PDIA6: variants seen among roughly 807,000 people sequenced by gnomAD.
The protein encoded by PDIA6 is protein disulfide isomerase family A member 6.
PDIA6 carries 29 observed loss-of-function variants against 58.4 expected under a neutral mutation model. That is an observed-to-expected ratio of 0.50 (90% CI 0.37 to 0.68). PDIA6 has a LOEUF of 0.68. PDIA6 is among the 30% of genes least tolerant of loss of function. The probability of loss-of-function intolerance (pLI) is 0.00; values close to 1 mark genes in which losing one functional copy is unlikely to be tolerated. For synonymous variants in PDIA6, 192 were observed against 202.6 expected (o/e 0.95, Z 0.44); for missense variants, 480 against 551.0 (o/e 0.87, Z 1.29).
rs1665575049 is a variant in PDIA6 at position 10,784,137 on chromosome 2, C to A, written c.*121G>T. 1.7e-6 allele frequency: 1 copy of A among 593,274 alleles called. No individual in the cohort carries two copies. Among genetic ancestry groups the A allele is most frequent in the Non-Finnish European group, 2.9e-6 (1 of 346,146 alleles). 36.8% of individuals were successfully genotyped at this position (593,274 alleles called of 1,614,324 possible). A position where few individuals can be genotyped will look rare whatever the true frequency, so the allele number is the denominator to read the frequency against. On this transcript the variant is annotated 3_prime_UTR_variant, in exon 13 of 13. Transcript: ENST00000272227. ...GTGTTTTCAAATGACCAATCAAGTA[C>A]TACTTCTTGGTTAAAAGGCCACTGG...
intron 2 of PDIA6, among the ~76,000 whole-genome samples, chr2:10,798,364 T>C (rs1315995267): frequency 6.6e-6 from 1 of 151,546 alleles, no homozygotes; most frequent in Non-Finnish European, 1.5e-5. Flanking sequence ...AACTCAGGAG[T>C]TAAGACCAGC....
intron 1 of PDIA6, among the ~76,000 whole-genome samples, chr2:10,827,156 C>T (rs867134025): frequency 2.6e-5 from 4 of 152,152 alleles, no homozygotes; most frequent in Admixed American, 6.5e-5. Context: ...CTCCGCCTCC[C>T]GGGTTTAAGC....
upstream of PDIA6, among the ~76,000 whole-genome samples, chr2:10,813,141 C>T (rs1238730501): frequency 6.6e-6 from 1 of 152,186 alleles, no homozygotes; most frequent in African/African-American, 2.4e-5. Flanking sequence ...GCGCCCCCAC[C>T]CTCTTTATCC....
intron 4 of PDIA6, among the ~76,000 whole-genome samples, chr2:10,793,910 C>A (rs772636520): frequency 2.0e-5 from 3 of 152,164 alleles, no homozygotes; most frequent in Non-Finnish European, 2.9e-5. Flanking sequence ...GGAAACCATT[C>A]CAGGCTTCTT....
Position 10,793,188 on chromosome 2 carries a change from C to T in PDIA6, c.361G>A (p.Glu121Lys). The change falls in exon 5 of 13, where the codon GAA becomes AAA. Residue 121 changes from glutamate (E) to lysine (K), a missense_variant. By Grantham distance (56) the Glu-to-Lys change is moderately conservative (BLOSUM62 1). Transcript: ENST00000272227. ...PEDYQGGRTG[E>K]AIVDAALSAL... Reference sequence around the variant, plus strand: ...CTCAGCGCAGCATCTACAATGGCTTCACCAGTTCTGCCACCTACAGGAGAC... The same window carrying T: ...CTCAGCGCAGCATCTACAATGGCTTTACCAGTTCTGCCACCTACAGGAGAC... The T allele has an allele frequency of 1.2e-6, 2 of 1,613,432 alleles. No individual in the cohort carries two copies. The highest frequency in any genetic ancestry group is 2.2e-5 in the East Asian group (1 of 44,834).
At position 10,783,449 on chromosome 2, in the gene PDIA6, AT is replaced by A. The variant is rs773463524; in HGVS notation, c.*808del. 7.9e-5 allele frequency: 40 copies of A among 506,936 alleles called. No homozygotes were observed. Among genetic ancestry groups the A allele is most frequent in the Non-Finnish European group, 1.2e-4 (34 of 284,688 alleles). The allele number at this position is 506,936 out of a possible 1,614,324, so 31.4% of individuals were successfully genotyped here. On this transcript the variant is annotated 3_prime_UTR_variant, in exon 13 of 13. Coordinates refer to ENST00000272227, the MANE Select transcript of PDIA6 (RefSeq NM_005742.4). ...AATAAAATGCTCTCAAGTCCTTTGA[AT>A]GTTCCAACAAATTCAAAACTTCATT...
At chr2:10,836,693 C>T (rs145320316), upstream of PDIA6, among the ~76,000 whole-genome samples, 643 of 152,240 alleles carry the variant, frequency 4.2e-3, 7 homozygotes, top group African/African-American at 0.015. Context: ...AAAAAGAAAC[C>T]TGTGCCAATC....
In PDIA6 at chr2:10,793,200, C is replaced by T. The variant is rs770112021; in HGVS notation, c.349G>A (p.Gly117Ser). Residue 117 changes from glycine (G) to serine (S), a missense_variant and splice_region_variant, in exon 5 of 13, where the codon GGC becomes AGC. Gly to Ser is a moderately conservative substitution (Grantham distance 56). Coordinates refer to ENST00000272227, the MANE Select transcript of PDIA6 (RefSeq NM_005742.4). ...TCTACAATGGCTTCACCAGTTCTGC[C>T]ACCTACAGGAGACGGAAGGTAGGCG... ...NKNRPEDYQG[G>S]RTGEAIVDAA... 7 of 1,609,238 alleles carry T rather than the reference C, an allele frequency of 4.3e-6. No homozygotes were observed. The East Asian group carries it at 1.3e-4, about 31-fold the overall frequency.
At chr2:10,823,585 GCACCAAAA>G in intron 1 of PDIA6, among the ~76,000 whole-genome samples, 1 of 152,300 alleles carries the variant, frequency 6.6e-6, no homozygotes. Flanking sequence ...GATAATTCGA[GCACCAAAA>G]CATATTCAAA....
intron 10 of PDIA6, among the ~76,000 whole-genome samples, chr2:10,788,065 C>CACAA (rs1553337266): frequency 6.9e-5 from 7 of 102,172 alleles, no homozygotes; most frequent in Non-Finnish European, 1.1e-4. Context: ...GACTCTGTCT[C>CACAA]AAAAAAAAAA....
chr2:10,789,957 T>C (rs1665956359), intron 7 of PDIA6, 68 bp from the exon 8 acceptor site: 4 of 1,426,502 alleles, frequency 2.8e-6, no homozygotes, highest in South Asian at 2.5e-5. Flanking sequence ...ATCTTTACAG[T>C]TTCTAAAACC....
chr2:10,794,309 G>A (rs1187697990), intron 4 of PDIA6, among the ~76,000 whole-genome samples: 2 of 151,874 alleles, frequency 1.3e-5, no homozygotes, highest in African/African-American at 4.8e-5. Context: ...AGCTGGGCGT[G>A]GTGGTGGACA....
intron 1 of PDIA6, among the ~76,000 whole-genome samples, chr2:10,825,100 T>C (rs560546395): frequency 6.6e-6 from 1 of 152,300 alleles, no homozygotes; most frequent in African/African-American, 2.4e-5. Context: ...TACATCTTTC[T>C]CCCATGCTGG....
At chr2:10,786,195 C>T (rs531241218) in intron 11 of PDIA6, among the ~76,000 whole-genome samples, 4 of 152,106 alleles carry the variant, frequency 2.6e-5, no homozygotes, top group South Asian at 2.1e-4. Flanking sequence ...TGGTGGCAGG[C>T]GCCTGTAATC....
chr2:10,797,053 G>C (rs1666295468), intron 4 of PDIA6, 28 bp downstream of exon 4: 2 of 1,606,120 alleles, frequency 1.2e-6, no homozygotes, highest in African/African-American at 1.3e-5. Context: ...TCTACCAGGG[G>C]AATGAAGTAG....
At chr2:10,811,090 G>T (rs1342106809) in intron 1 of PDIA6, among the ~76,000 whole-genome samples, 1 of 152,214 alleles carries the variant, frequency 6.6e-6, no homozygotes, top group African/African-American at 2.4e-5. Flanking sequence ...CAGAAAGGCT[G>T]CCATTTATTA....
intron 1 of PDIA6, among the ~76,000 whole-genome samples, chr2:10,812,473 C>T (rs1243176579): frequency 1.3e-5 from 2 of 151,700 alleles, no homozygotes; most frequent in Non-Finnish European, 2.9e-5. Context: ...GAAGCCCCTC[C>T]CCACGGGCGC....
At chr2:10,809,175 A>C (rs1666892699) in intron 1 of PDIA6, among the ~76,000 whole-genome samples, 1 of 152,218 alleles carries the variant, frequency 6.6e-6, no homozygotes, top group Admixed American at 6.5e-5. Flanking sequence ...TAAATATATT[A>C]ATTTCACCTG....
intron 1 of PDIA6, among the ~76,000 whole-genome samples, chr2:10,820,164 C>G (rs536137988): frequency 6.6e-6 from 1 of 152,032 alleles, no homozygotes; most frequent in Admixed American, 6.6e-5. Context: ...AGGTTAAGAG[C>G]GGAAGTTTAA....
Sources: gnomAD v4.1 joint callset for allele counts (sites outside exome capture counted in the v4.1 genomes callset) on GRCh38, gnomAD v4.1.1 for gene constraint, MANE v1.5 for transcripts, NCBI Gene and HGNC (gene_info 2026-07-23, HGNC 2026-07-21) for gene names.